Variants in ZBTB7C observed in about 807,000 individuals in gnomAD.
ZBTB7C encodes the protein zinc finger and BTB domain containing 7C.
Under a neutral mutation model 25.7 loss-of-function variants are expected in ZBTB7C, and 8 were observed. The observed-to-expected ratio is 0.31, with a 90% CI of 0.18 to 0.56. ZBTB7C has a LOEUF of 0.56. ZBTB7C is among the 20% of genes least tolerant of loss of function. The probability of loss-of-function intolerance (pLI) is 0.91; values close to 1 mark genes in which losing one functional copy is unlikely to be tolerated. For missense variants in ZBTB7C, 824 were observed against 855.2 expected, an observed-to-expected ratio of 0.96 and a Z score of 0.46; for synonymous variants, 394 against 369.0, an observed-to-expected ratio of 1.07 and a Z score of -0.78.
intron 2 of ZBTB7C, among the ~76,000 whole-genome samples, chr18:48,200,851 C>T (rs888767652): frequency 1.3e-5 from 2 of 152,216 alleles, no homozygotes; most frequent in African/African-American, 4.8e-5. Context: ...TGACACTTGG[C>T]CCAGGTCCCC....
rs147224763 is a variant in ZBTB7C at position 48,029,574 on chromosome 18, C to T, written c.1546G>A (p.Gly516Ser). 3,201 of 1,487,542 alleles carry T rather than the reference C, an allele frequency of 2.2e-3. 67 individuals carry two copies. In the African/African-American group the frequency reaches 0.042, roughly 20 times the overall value. The allele number at this position is 1,487,542 out of a possible 1,614,324, so 92.1% of individuals were successfully genotyped here. ...VMPPALGEVG[G>S]HLGGAAVCLP... ...CACACAGCTGCGCCGCCCAGGTGGC[C>T]GCCCACCTCGCCCAGCGCAGGGGGC... The change falls in exon 5 of 5, where the codon GGC becomes AGC. Residue 516 changes from glycine (G) to serine (S), a missense_variant. Gly to Ser is a moderately conservative substitution (Grantham distance 56, BLOSUM62 0). Transcript: ENST00000590800.
intron 3 of ZBTB7C, among the ~76,000 whole-genome samples, chr18:48,049,097 A>AT (rs2036585405): frequency 6.6e-6 from 1 of 152,084 alleles, no homozygotes; most frequent in Admixed American, 6.5e-5. Context: ...CCAAAGTCTG[A>AT]TTTTTCACAA....
chr18:48,318,711 T>C (rs527807115), intron 2 of ZBTB7C, among the ~76,000 whole-genome samples: 13 of 152,330 alleles, frequency 8.5e-5, no homozygotes, highest in African/African-American at 3.1e-4. Context: ...TGCTGAATCC[T>C]GTGCCCAGCC....
Position 48,040,703 on chromosome 18 carries a change from C to CT in ZBTB7C, c.404dup (p.Glu136GlyfsTer3), listed in dbSNP as rs773747468. The CT allele has an allele frequency of 6.2e-7, 1 of 1,613,904 alleles. No homozygotes were observed. Among genetic ancestry groups the CT allele is most frequent in the Non-Finnish European group, 8.5e-7 (1 of 1,179,906 alleles). ...CGTCATCGTCCTCCTTGTCATCCTCCTCCCCCCCGTCCCCCCCAGGCTCCA... is the reference window on the plus strand; with the variant it reads ...CGTCATCGTCCTCCTTGTCATCCTCCTTCCCCCCCGTCCCCCCCAGGCTCCA... On this transcript the variant is annotated frameshift_variant, in exon 4 of 5. Transcript: ENST00000590800. LOFTEE classifies it high-confidence loss of function.
At chr18:48,293,900 G>A (rs190186342) in intron 2 of ZBTB7C, among the ~76,000 whole-genome samples, 1 of 152,328 alleles carries the variant, frequency 6.6e-6, no homozygotes, top group East Asian at 1.9e-4. Context: ...TTACCAGCAT[G>A]AGCCACGATG....
At chr18:48,282,330 A>G (rs1379495837) in intron 2 of ZBTB7C, among the ~76,000 whole-genome samples, 7 of 93,390 alleles carry the variant, frequency 7.5e-5, no homozygotes, top group Non-Finnish European at 1.2e-4. Context: ...GGGAGGGGGG[A>G]GGGATAGCAT....
At chr18:48,377,762 A>G (rs2047553936) in intron 1 of ZBTB7C, among the ~76,000 whole-genome samples, 1 of 152,268 alleles carries the variant, frequency 6.6e-6, no homozygotes, top group South Asian at 2.1e-4. Flanking sequence ...ATTCTAAGTC[A>G]GCAGCGGAAG....
chr18:48,193,969 GATA>G (rs1422038392), intron 2 of ZBTB7C, among the ~76,000 whole-genome samples: 2 of 152,224 alleles, frequency 1.3e-5, no homozygotes, highest in East Asian at 3.8e-4. Flanking sequence ...GTGTGGCTGA[GATA>G]ATGGAATCCT....
At chr18:48,187,739 T>A (rs1302043904) in intron 2 of ZBTB7C, among the ~76,000 whole-genome samples, 2 of 142,326 alleles carry the variant, frequency 1.4e-5, no homozygotes, top group Non-Finnish European at 3.0e-5. Context: ...GAGAATGGCG[T>A]GAACCCGGGA....
chr18:48,059,866 G>A (rs2037058768), intron 3 of ZBTB7C, among the ~76,000 whole-genome samples: 1 of 152,074 alleles, frequency 6.6e-6, no homozygotes, highest in Non-Finnish European at 1.5e-5. Flanking sequence ...AGTCCCCAGA[G>A]GTCCATCCCC....
Position 48,029,322 on chromosome 18 carries a change from C to T in ZBTB7C, c.1798G>A (p.Ala600Thr). The stretch of plus-strand genomic sequence containing the variant: ...AGGCCGGCGAGCCCAGGGAGGCCGG[C>T]CAGGCCGGCGGCCCAAGGGTCGGGC... ...PLPDPWAAGL[A>T]GLPGLAGLNH... The change falls in exon 5 of 5, where the codon GCC becomes ACC. Residue 600 changes from alanine (A) to threonine (T), a missense_variant. By Grantham distance (58) the Ala-to-Thr change is moderately conservative (BLOSUM62 0). Coordinates refer to ENST00000590800, the MANE Select transcript of ZBTB7C (RefSeq NM_001318841.2). 6.5e-7 allele frequency: 1 copy of T among 1,538,118 alleles called. No homozygotes were observed. The highest frequency in any genetic ancestry group is 8.7e-7 in the Non-Finnish European group (1 of 1,147,586).
intron 2 of ZBTB7C, among the ~76,000 whole-genome samples, chr18:48,190,087 A>G (rs949573845): frequency 6.6e-6 from 1 of 152,092 alleles, no homozygotes; most frequent in Admixed American, 6.5e-5. Flanking sequence ...TTCTCTCCCT[A>G]TCATCATCCG....
Position 48,290,479 on chromosome 18 carries a change from C to A in ZBTB7C, c.-79+47695G>T, listed in dbSNP as rs1244443985. 2.6e-5 allele frequency among the ~76,000 whole-genome samples: 4 copies of A among 152,324 alleles called. 1 individual carries two copies. The South Asian group carries it at 8.3e-4, about 32-fold the overall frequency. On this transcript the variant is annotated intron_variant, in intron 2 of 4. Transcript: ENST00000590800. ...AGGTAGCTGCAGTGCCAGGGGCAGGCGTGCCCTGCTCTTTGATTCGCTTGC... is the reference window on the plus strand; with the variant it reads ...AGGTAGCTGCAGTGCCAGGGGCAGGAGTGCCCTGCTCTTTGATTCGCTTGC...
chr18:48,331,052 T>C (rs2046332345), intron 2 of ZBTB7C, among the ~76,000 whole-genome samples: 1 of 152,096 alleles, frequency 6.6e-6, no homozygotes, highest in Non-Finnish European at 1.5e-5. Context: ...GTGATCCCCC[T>C]TTCCTCTGAA....
At chr18:48,404,927 G>A (rs942008420) in intron 1 of ZBTB7C, among the ~76,000 whole-genome samples, 1 of 152,166 alleles carries the variant, frequency 6.6e-6, no homozygotes, top group Non-Finnish European at 1.5e-5. Context: ...AGCTGGCCAG[G>A]TGCCACCCAC....
At chr18:48,400,601 C>A (rs2048133885) in intron 1 of ZBTB7C, among the ~76,000 whole-genome samples, 1 of 152,152 alleles carries the variant, frequency 6.6e-6, no homozygotes, top group Admixed American at 6.5e-5. Flanking sequence ...CTAGGGTGGC[C>A]CCCGCAACCT....
intron 2 of ZBTB7C, among the ~76,000 whole-genome samples, chr18:48,188,489 G>C (rs78145165): frequency 6.6e-6 from 1 of 152,100 alleles, no homozygotes; most frequent in Non-Finnish European, 1.5e-5. Flanking sequence ...ATCTCCCACT[G>C]GGTCCCTCCC....
At chr18:48,030,504 TCTC>T (rs1469424826) in intron 4 of ZBTB7C, among the ~76,000 whole-genome samples, 1 of 152,162 alleles carries the variant, frequency 6.6e-6, no homozygotes, top group Non-Finnish European at 1.5e-5. Flanking sequence ...AGCCTTGGGC[TCTC>T]CTCTTTGTCT....
chr18:48,256,360 G>A (rs577437915), intron 2 of ZBTB7C, among the ~76,000 whole-genome samples: 246 of 151,722 alleles, frequency 1.6e-3, no homozygotes, highest in African/African-American at 5.7e-3. Context: ...AAAAGACAGT[G>A]GAGAAATACC....
Sources: allele counts gnomAD v4.1 joint callset (sites outside exome capture counted in the v4.1 genomes callset), GRCh38; gene constraint gnomAD v4.1.1; transcripts MANE v1.5; gene names NCBI Gene and HGNC (gene_info 2026-07-23, HGNC 2026-07-21).